Variants in PSD2 observed in about 807,000 individuals in gnomAD.
The protein encoded by PSD2 is pleckstrin and Sec7 domain containing 2, also known as PH and SEC7 domain-containing protein 2.
PSD2 carries 38 observed loss-of-function variants against 69.8 expected under a neutral mutation model. That is an observed-to-expected ratio of 0.54 (90% CI 0.42 to 0.71). PSD2 has a LOEUF of 0.71. Among genes scored for constraint, PSD2 ranks in the 30% least tolerant of loss-of-function variants. The pLI is 0.00. For missense variants in PSD2, 943 were observed against 1,014.5 expected (o/e 0.93, Z 0.96); for synonymous variants, 412 against 423.0 (o/e 0.97, Z 0.32).
intron 3 of PSD2, among the ~76,000 whole-genome samples, 198 bp downstream of exon 3, chr5:139,813,956 G>A (rs998482830): frequency 2.0e-5 from 3 of 152,182 alleles, no homozygotes; most frequent in African/African-American, 7.2e-5. Context: ...TCTCAGCCCC[G>A]GTAGAAGTCG....
chr5:139,836,773 C>T (rs760732817), intron 9 of PSD2, 38 bp from the exon 10 acceptor site: 3 of 1,590,148 alleles, frequency 1.9e-6, no homozygotes, highest in Non-Finnish European at 2.6e-6. Context: ...GGGCCGAGGC[C>T]TCCCTGGAGG....
the PSD2 span, among the ~76,000 whole-genome samples, chr5:139,782,591 CA>C: frequency 6.6e-6 from 1 of 150,566 alleles, no homozygotes; most frequent in African/African-American, 2.5e-5. Context: ...CTCCCGGGTT[CA>C]AGCAATTCTC....
chr5:139,830,527 T>TTCCTTCCTTCCTTCCA (rs1554096341), intron 7 of PSD2, among the ~76,000 whole-genome samples: 1 of 114,230 alleles, frequency 8.8e-6, no homozygotes, highest in African/African-American at 4.4e-5. Context: ...ATTTTCTTCC[T>TTCCTTCCTTCCTTCCA]TCCTTCCTTC....
the PSD2 span, among the ~76,000 whole-genome samples, chr5:139,768,096 G>A: frequency 6.6e-6 from 1 of 152,394 alleles, no homozygotes; most frequent in Admixed American, 6.5e-5. Context: ...GGTTGATGGA[G>A]GTAGCACGTG....
At chr5:139,830,428 G>A (rs1760545226) in intron 7 of PSD2, among the ~76,000 whole-genome samples, 1 of 145,130 alleles carries the variant, frequency 6.9e-6, no homozygotes, top group African/African-American at 2.6e-5. Context: ...CTGGCTCACT[G>A]CAGCCTCAAC....
the PSD2 span, chr5:139,746,173 GCTT>G: frequency 2.0e-5 from 3 of 152,170 alleles, no homozygotes; most frequent in African/African-American, 7.2e-5. This position sits in a 1 kb window ranked among gnomAD's most constrained non-coding sequence, Gnocchi z 4.5. Flanking sequence ...TTCCCTCAAA[GCTT>G]GGCCTGGGGA....
chr5:139,829,670 A>C (rs536807061), intron 7 of PSD2, among the ~76,000 whole-genome samples: 1 of 152,284 alleles, frequency 6.6e-6, no homozygotes, highest in African/African-American at 2.4e-5. Context: ...TTAGTAGTTC[A>C]TTTTTTATGG....
At chr5:139,826,346 G>A (rs1385926174) in intron 7 of PSD2, among the ~76,000 whole-genome samples, 4 of 152,246 alleles carry the variant, frequency 2.6e-5, no homozygotes, top group African/African-American at 4.8e-5. Context: ...GTGCCACCAG[G>A]ATCAACCCAA....
the PSD2 span, among the ~76,000 whole-genome samples, chr5:139,787,467 C>T: frequency 1.3e-5 from 2 of 152,210 alleles, no homozygotes; most frequent in African/African-American, 2.4e-5. Context: ...CATAGGAGTG[C>T]TGTAAGGGTG....
the PSD2 span, among the ~76,000 whole-genome samples, chr5:139,743,139 G>A: frequency 2.6e-5 from 4 of 152,140 alleles, no homozygotes; most frequent in African/African-American, 4.8e-5. Context: ...GGAGAGCTGC[G>A]AGCCCCTGTG....
rs778935811 is a variant in PSD2, at chr5:139,822,046, C to T, written c.1210+41C>T. On this transcript the variant is annotated intron_variant, in intron 6 of 14. Transcript: ENST00000274710. ...CACTCTGCCTGACCCTCCCCACCCA[C>T]TCAGCCAGGCCCTGGTCCCCTCCCA... is the stretch of plus-strand genomic sequence containing the variant. 3.8e-6 allele frequency: 5 copies of T among 1,328,294 alleles called. No individual in the cohort carries two copies. In the South Asian group the frequency reaches 5.1e-5, roughly 14 times the overall value. 82.3% of individuals were successfully genotyped at this position (1,328,294 alleles called of 1,614,324 possible).
chr5:139,798,490 AC>A (rs1759588259), intron 1 of PSD2, among the ~76,000 whole-genome samples: 3 of 151,450 alleles, frequency 2.0e-5, no homozygotes, highest in Admixed American at 6.6e-5. Flanking sequence ...CAAAATTCCA[AC>A]CCCTGAGCTC....
intron 8 of PSD2, 68 bp from the exon 9 acceptor site, chr5:139,835,655 T>C (rs2126965812): frequency 1.4e-6 from 2 of 1,478,752 alleles, no homozygotes; most frequent in Non-Finnish European, 1.9e-6. Flanking sequence ...ACCCATGTTA[T>C]TGGTGGTAGA....
At chr5:139,785,369 A>G in the PSD2 span, among the ~76,000 whole-genome samples, 1 of 151,670 alleles carries the variant, frequency 6.6e-6, no homozygotes, top group South Asian at 2.1e-4. Context: ...GACTATAGGC[A>G]TGCACCACCA....
At chr5:139,746,367 T>C in the PSD2 span, 2 of 152,134 alleles carry the variant, frequency 1.3e-5, no homozygotes, top group Non-Finnish European at 2.9e-5. This position sits in a 1 kb window ranked among gnomAD's most constrained non-coding sequence, Gnocchi z 4.5. Flanking sequence ...AACTTCAACT[T>C]CATCAACTCA....
Position 139,835,624 on chromosome 5 carries a change from GA to G in PSD2, c.1360-95del, listed in dbSNP as rs1218574919. The G allele has an allele frequency of 7.1e-6, 9 of 1,264,694 alleles. No individual in the cohort carries two copies. In the African/African-American group the frequency reaches 1.0e-4, roughly 14 times the overall value. 78.3% of individuals were successfully genotyped at this position (1,264,694 alleles called of 1,614,324 possible). ...AAACACCCACTTTGCCCCATTGGCTGAAAAGGTGCTCCCTCACTGTACCCAT... is the reference window on the plus strand; with the variant it reads ...AAACACCCACTTTGCCCCATTGGCTGAAAGGTGCTCCCTCACTGTACCCAT... On this transcript the variant is annotated intron_variant, in intron 8 of 14. Transcript: ENST00000274710.
At chr5:139,758,736 G>A in the PSD2 span, among the ~76,000 whole-genome samples, 1 of 152,148 alleles carries the variant, frequency 6.6e-6, no homozygotes, top group Admixed American at 6.5e-5. Context: ...TGTTCTCCAC[G>A]CACAGGGAGA....
At chr5:139,766,688 C>G in the PSD2 span, among the ~76,000 whole-genome samples, 2 of 152,168 alleles carry the variant, frequency 1.3e-5, no homozygotes, top group Non-Finnish European at 2.9e-5. Flanking sequence ...CTCCTCCATC[C>G]TCGCCATTGC....
chr5:139,779,811 A>G, the PSD2 span, among the ~76,000 whole-genome samples: 1 of 152,176 alleles, frequency 6.6e-6, no homozygotes, highest in South Asian at 2.1e-4. Flanking sequence ...GGTTTCATTC[A>G]GCATAATGTT....
Sources: allele counts gnomAD v4.1 joint callset (sites outside exome capture counted in the v4.1 genomes callset), GRCh38; gene constraint gnomAD v4.1.1; non-coding constraint Gnocchi (gnomAD v3.1); transcripts MANE v1.5; gene names NCBI Gene and HGNC (gene_info 2026-07-23, HGNC 2026-07-21).